The following FBXL17 variants were observed in gnomAD, a reference collection of about 807,000 sequenced individuals.
FBXL17 encodes F-box and leucine rich repeat protein 17, also known as F-box/LRR-repeat protein 17.
Under a neutral mutation model 66.2 loss-of-function variants are expected in FBXL17, and 22 were observed. The ratio of observed to expected loss-of-function variants is 0.33; its 90% CI spans 0.24 to 0.47. The LOEUF is 0.47. FBXL17 is among the 20% of genes least tolerant of loss of function. FBXL17 has a pLI of 1.00. For synonymous variants in FBXL17, 474 were observed against 400.5 expected (o/e 1.18, Z -2.19); for missense variants, 878 against 948.2 (o/e 0.93, Z 0.97).
chr5:107,936,059 T>G (rs1346133441), intron 7 of FBXL17, among the ~76,000 whole-genome samples: 1 of 152,202 alleles, frequency 6.6e-6, no homozygotes, highest in Non-Finnish European at 1.5e-5. Flanking sequence ...GTAGTTCAAA[T>G]CAGCCACTTT....
At chr5:108,280,299 C>A (rs1179493017) in intron 4 of FBXL17, among the ~76,000 whole-genome samples, 8 of 151,978 alleles carry the variant, frequency 5.3e-5, no homozygotes, top group South Asian at 4.1e-4. Context: ...CCTTACAGAC[C>A]AGAAGAAAAT....
chr5:108,340,714 T>C (rs1031397019), intron 4 of FBXL17, among the ~76,000 whole-genome samples: 1 of 152,212 alleles, frequency 6.6e-6, no homozygotes, highest in African/African-American at 2.4e-5. Flanking sequence ...TTTTATTTAA[T>C]AAAATATGTC....
chr5:108,065,462 T>C (rs1748082188), intron 6 of FBXL17, among the ~76,000 whole-genome samples: 2 of 152,196 alleles, frequency 1.3e-5, no homozygotes, highest in African/African-American at 4.8e-5. Flanking sequence ...TGGTAAAAAC[T>C]TGGATTCACA....
chr5:108,037,627 G>C (rs1561379430), intron 6 of FBXL17, among the ~76,000 whole-genome samples: 1 of 152,182 alleles, frequency 6.6e-6, no homozygotes, highest in Non-Finnish European at 1.5e-5. Flanking sequence ...AGACTCAGCA[G>C]TCTGAGTTCC....
At chr5:108,229,209 T>A (rs1210639997) in intron 4 of FBXL17, among the ~76,000 whole-genome samples, 1 of 151,996 alleles carries the variant, frequency 6.6e-6, no homozygotes, top group East Asian at 1.9e-4. Context: ...AAAACAATCC[T>A]AAAATTCATA....
At position 108,049,760 on chromosome 5, in the gene FBXL17, G is replaced by T. The variant is rs574590461; in HGVS notation, c.1746-28759C>A. ...CAATACTAAACTTAAATGTAAATGGGCTAAATGCTCCAATTAAAAGACACA... is the reference window on the plus strand; with the variant it reads ...CAATACTAAACTTAAATGTAAATGGTCTAAATGCTCCAATTAAAAGACACA... On this transcript the variant is annotated intron_variant, in intron 6 of 8. Transcript: ENST00000542267. Among the ~76,000 whole-genome samples, 7 of 152,210 alleles carry T rather than the reference G, an allele frequency of 4.6e-5. No individual in the cohort carries two copies. The East Asian group carries it at 9.7e-4, about 21-fold the overall frequency.
intron 4 of FBXL17, among the ~76,000 whole-genome samples, chr5:108,342,268 C>T (rs1312214938): frequency 1.3e-5 from 2 of 152,106 alleles, no homozygotes; most frequent in African/African-American, 4.8e-5. Context: ...GTCTGTAATA[C>T]AGAGAAATTT....
At chr5:108,212,794 G>C (rs973634578) in intron 5 of FBXL17, among the ~76,000 whole-genome samples, 14 of 118,126 alleles carry the variant, frequency 1.2e-4, no homozygotes, top group African/African-American at 3.4e-4. Context: ...ACAGGAGTCA[G>C]GGACCCACTT....
At chr5:108,009,680 G>A (rs909235318) in intron 7 of FBXL17, among the ~76,000 whole-genome samples, 2 of 151,990 alleles carry the variant, frequency 1.3e-5, no homozygotes, top group Non-Finnish European at 2.9e-5. Flanking sequence ...TTAGGATAAG[G>A]GTGAAAATTA....
At chr5:107,888,261 A>G (rs1749041258) in intron 7 of FBXL17, among the ~76,000 whole-genome samples, 1 of 152,180 alleles carries the variant, frequency 6.6e-6, no homozygotes, top group Non-Finnish European at 1.5e-5. Flanking sequence ...TGTCTTCCCC[A>G]TTAGATTGTA....
chr5:108,378,310 T>G (rs763684675), intron 1 of FBXL17, among the ~76,000 whole-genome samples: 1 of 144,584 alleles, frequency 6.9e-6, no homozygotes, highest in African/African-American at 2.7e-5. Context: ...TCCCAAATTC[T>G]ACCTGCCTCG....
intron 1 of FBXL17, among the ~76,000 whole-genome samples, chr5:108,380,482 G>C (rs536026158): frequency 6.6e-6 from 1 of 152,264 alleles, no homozygotes; most frequent in East Asian, 1.9e-4. Flanking sequence ...ATAGAGTCAA[G>C]CTATTAAAAG....
chr5:107,987,835 T>A (rs768608778), intron 7 of FBXL17, among the ~76,000 whole-genome samples: 20 of 151,992 alleles, frequency 1.3e-4, no homozygotes, highest in Non-Finnish European at 2.4e-4. Flanking sequence ...AATGAATACA[T>A]CTATACCATT....
intron 4 of FBXL17, among the ~76,000 whole-genome samples, chr5:108,248,941 C>T (rs1327356528): frequency 1.3e-5 from 2 of 151,896 alleles, no homozygotes; most frequent in Non-Finnish European, 2.9e-5. Flanking sequence ...AGAGAAAGCT[C>T]GTGAAATGAA....
intron 7 of FBXL17, among the ~76,000 whole-genome samples, chr5:107,964,944 G>A (rs935215233): frequency 6.6e-6 from 1 of 152,056 alleles, no homozygotes; most frequent in African/African-American, 2.4e-5. Context: ...TTAAAGCTGA[G>A]GTTTTGATTT....
intron 6 of FBXL17, among the ~76,000 whole-genome samples, chr5:108,177,330 C>G (rs1375912632): frequency 6.6e-6 from 1 of 151,816 alleles, no homozygotes; most frequent in African/African-American, 2.4e-5. Context: ...TACTTTTTAC[C>G]AAAAATAAGC....
chr5:108,189,679 T>C (rs1580584357), intron 5 of FBXL17, among the ~76,000 whole-genome samples: 1 of 152,198 alleles, frequency 6.6e-6, no homozygotes, highest in African/African-American at 2.4e-5. Flanking sequence ...TCCTGATTAG[T>C]TGACACTGAA....
At chr5:108,029,595 C>T (rs191625893) in intron 6 of FBXL17, among the ~76,000 whole-genome samples, 37 of 152,122 alleles carry the variant, frequency 2.4e-4, no homozygotes, top group Middle Eastern at 3.4e-3. Context: ...TGTTTTGGTG[C>T]ACTGTGTTTA....
intron 6 of FBXL17, among the ~76,000 whole-genome samples, chr5:108,173,148 G>T (rs1752669375): frequency 6.6e-6 from 1 of 152,034 alleles, no homozygotes; most frequent in East Asian, 1.9e-4. Flanking sequence ...GCATCACCAA[G>T]AAATCTAGAT....
Sources: gnomAD v4.1 joint callset for allele counts (sites outside exome capture counted in the v4.1 genomes callset) on GRCh38, gnomAD v4.1.1 for gene constraint, MANE v1.5 for transcripts, NCBI Gene and HGNC (gene_info 2026-07-23, HGNC 2026-07-21) for gene names.